Variants in BST1 observed in about 807,000 individuals in gnomAD.
BST1 encodes bone marrow stromal cell antigen 1, also known as ADP-ribosyl cyclase/cyclic ADP-ribose hydrolase 2.
In BST1, 49 loss-of-function variants were observed where a neutral mutation model predicts 40.6. That is an observed-to-expected ratio of 1.21 (90% CI 0.96 to 1.53). The LOEUF is 1.53. Ranked by LOEUF, BST1 falls within the 40% of genes most tolerant of loss-of-function variation. The pLI is 0.00. For missense variants in BST1, 423 were observed against 395.9 expected (o/e 1.07, Z -0.58); for synonymous variants, 157 against 159.3 (o/e 0.99, Z 0.11).
the BST1 span, among the ~76,000 whole-genome samples, chr4:15,767,702 T>TG: frequency 0.18 from 27,546 of 151,922 alleles, 2,726 homozygotes; most frequent in Middle Eastern, 0.28. Context: ...ATTGTTTTTT[T>TG]GGGGAAGGGG....
At position 15,715,773 on chromosome 4, in the gene BST1, T is replaced by A; in HGVS notation, c.678T>A (p.Val226=). 2 of 1,595,272 alleles carry A rather than the reference T, an allele frequency of 1.3e-6. No homozygotes were observed. The highest frequency in any genetic ancestry group is 1.7e-6 in the Non-Finnish European group (2 of 1,174,034). ...AAATTACACGAATCGAGATCTGGGTTATGCATGAAATTGGGGGACCCAATG... is the reference window on the plus strand; with the variant it reads ...AAATTACACGAATCGAGATCTGGGTAATGCATGAAATTGGGGGACCCAATG... The part of the protein sequence containing the change: ...KEKITRIEIW[V]MHEIGGPNVE... The change falls in exon 6 of 9, where the codon GTT becomes GTA. Residue 226 remains valine, a synonymous_variant. Coordinates refer to ENST00000265016, the MANE Select transcript of BST1 (RefSeq NM_004334.3).
At position 15,719,420 on chromosome 4, in the gene BST1, A is replaced by G. The variant is rs1720687540; in HGVS notation, c.791+427A>G. On this transcript the variant is annotated intron_variant, in intron 7 of 8. Coordinates refer to ENST00000265016, the MANE Select transcript of BST1 (RefSeq NM_004334.3). ...GACCACAGACCAATAGGAAAATAAT[A>G]ATAACTACCACTTGGTGAGCAGCTA... Among the ~76,000 whole-genome samples the G allele has an allele frequency of 2.0e-5, 3 of 152,066 alleles. No homozygotes were observed. The South Asian group carries it at 6.2e-4, about 32-fold the overall frequency.
chr4:15,755,427 G>C, the BST1 span, among the ~76,000 whole-genome samples: 1 of 152,144 alleles, frequency 6.6e-6, no homozygotes, highest in East Asian at 1.9e-4. Flanking sequence ...ATGAGCCACC[G>C]TGCCTGGCGC....
intron 8 of BST1, among the ~76,000 whole-genome samples, chr4:15,726,519 A>T (rs1240419436): frequency 6.6e-6 from 1 of 152,236 alleles, no homozygotes; most frequent in Non-Finnish European, 1.5e-5. Flanking sequence ...CAAGAAAAAG[A>T]ATCCTTGTGT....
At chr4:15,711,567 C>A (rs1022817008) in intron 3 of BST1, among the ~76,000 whole-genome samples, 3 of 152,240 alleles carry the variant, frequency 2.0e-5, no homozygotes, top group African/African-American at 7.2e-5. Context: ...CTATTTAGTT[C>A]TCTGCCTTCC....
the BST1 span, among the ~76,000 whole-genome samples, chr4:15,759,970 C>T: frequency 6.6e-6 from 1 of 151,958 alleles, no homozygotes; most frequent in African/African-American, 2.4e-5. Flanking sequence ...TAAAATTTAT[C>T]CTGAAAGTAT....
intron 1 of BST1, 46 bp downstream of exon 1, chr4:15,703,378 G>GTGGGGAGGGCC: frequency 6.7e-7 from 1 of 1,487,450 alleles, no homozygotes; most frequent in Non-Finnish European, 8.9e-7. Flanking sequence ...AGAGGCAACG[G>GTGGGGAGGGCC]TGGGGAGGGC....
At chr4:15,722,476 G>A (rs961947545) in intron 7 of BST1, among the ~76,000 whole-genome samples, 2 of 152,166 alleles carry the variant, frequency 1.3e-5, no homozygotes, top group African/African-American at 4.8e-5. Context: ...TATCCAGGCT[G>A]GAGTGCAGTG....
chr4:15,757,263 C>T, the BST1 span, among the ~76,000 whole-genome samples: 1 of 152,160 alleles, frequency 6.6e-6, no homozygotes, highest in Admixed American at 6.5e-5. Context: ...GACCCCTGTG[C>T]CAACGTGTGT....
chr4:15,746,651 T>C, the BST1 span, among the ~76,000 whole-genome samples: 1 of 152,200 alleles, frequency 6.6e-6, no homozygotes, highest in Non-Finnish European at 1.5e-5. Flanking sequence ...ACTGTGACAA[T>C]TGAATCTCAT....
chr4:15,757,199 C>T, the BST1 span, among the ~76,000 whole-genome samples: 1 of 152,184 alleles, frequency 6.6e-6, no homozygotes, highest in Non-Finnish European at 1.5e-5. Context: ...GTAGCTCAGG[C>T]TGCTATATAA....
At chr4:15,764,253 A>G in the BST1 span, among the ~76,000 whole-genome samples, 2 of 151,978 alleles carry the variant, frequency 1.3e-5, no homozygotes, top group Non-Finnish European at 2.9e-5. Context: ...TCAGTGAATG[A>G]TATTCAGTAT....
At chr4:15,754,246 G>C in the BST1 span, among the ~76,000 whole-genome samples, 6 of 152,148 alleles carry the variant, frequency 3.9e-5, no homozygotes, top group African/African-American at 1.4e-4. Flanking sequence ...CTTTGAAAGG[G>C]GATGGTGTTC....
the BST1 span, among the ~76,000 whole-genome samples, chr4:15,746,872 C>T: frequency 1.0e-3 from 158 of 152,262 alleles, no homozygotes; most frequent in Middle Eastern, 0.027. Context: ...GTCATCTAGC[C>T]TCAGTAAGTC....
chr4:15,749,483 C>T, the BST1 span, among the ~76,000 whole-genome samples: 5 of 152,286 alleles, frequency 3.3e-5, no homozygotes, highest in African/African-American at 1.2e-4. Flanking sequence ...ATTATTGCTA[C>T]AGATCTGCTT....
the BST1 span, among the ~76,000 whole-genome samples, chr4:15,770,329 T>C: frequency 6.6e-6 from 1 of 152,214 alleles, no homozygotes; most frequent in Non-Finnish European, 1.5e-5. Context: ...GTTCTGTTTA[T>C]ATGCTGTTCC....
downstream of BST1, among the ~76,000 whole-genome samples, chr4:15,736,406 G>A (rs1459027399): frequency 2.0e-5 from 3 of 152,048 alleles, no homozygotes; most frequent in African/African-American, 7.2e-5. Flanking sequence ...GATCACTTGA[G>A]GTCAGGAGCC....
At position 15,718,906 on chromosome 4, in the gene BST1, G is replaced by A. The variant is rs1314403117; in HGVS notation, c.705-1G>A. On this transcript the variant is annotated splice_acceptor_variant, in intron 6 of 8. Transcript: ENST00000265016. LOFTEE classifies it high-confidence loss of function. ...TTTAATTATATATTTTCATGTTTTAGGGAATCCTGCGGGGAAGGCAGCATG... is the reference window on the plus strand; with the variant it reads ...TTTAATTATATATTTTCATGTTTTAAGGAATCCTGCGGGGAAGGCAGCATG... 5.0e-6 allele frequency: 8 copies of A among 1,613,264 alleles called. No homozygotes were observed. Among genetic ancestry groups the A allele is most frequent in the Non-Finnish European group, 5.9e-6 (7 of 1,179,620 alleles).
chr4:15,719,035 T>C (rs1720663402), intron 7 of BST1, 42 bp downstream of exon 7: 1 of 1,579,120 alleles, frequency 6.3e-7, no homozygotes, highest in Non-Finnish European at 8.7e-7. Flanking sequence ...AGAGGTGGTG[T>C]ATGATTTTGG....
Sources: gnomAD v4.1 joint callset for allele counts (sites outside exome capture counted in the v4.1 genomes callset) on GRCh38, gnomAD v4.1.1 for gene constraint, MANE v1.5 for transcripts, NCBI Gene and HGNC (gene_info 2026-07-23, HGNC 2026-07-21) for gene names.